The following PCSK5 variants were observed in gnomAD, a reference collection of about 807,000 sequenced individuals.
The protein encoded by PCSK5 is prohormone convertase 5.
In PCSK5, 129 loss-of-function variants were observed where a neutral mutation model predicts 233.2. The observed-to-expected ratio is 0.55, with a 90% CI of 0.48 to 0.64. The LOEUF is 0.64. PCSK5 is among the 30% of genes least tolerant of loss of function. The pLI, the probability that PCSK5 is intolerant of heterozygous loss-of-function variation, is 0.00. For synonymous variants in PCSK5, 825 were observed against 879.2 expected, an observed-to-expected ratio of 0.94 and a Z score of 1.09; for missense variants, 2,076 against 2,430.1, an observed-to-expected ratio of 0.85 and a Z score of 3.06.
chr9:76,232,708 C>G (rs543905322), intron 21 of PCSK5, among the ~76,000 whole-genome samples: 30 of 152,228 alleles, frequency 2.0e-4, no homozygotes, highest in Admixed American at 1.6e-3. Flanking sequence ...TTTGCTCTTA[C>G]GATTAGTTTG....
chr9:76,142,512 G>A (rs925921906), intron 10 of PCSK5, among the ~76,000 whole-genome samples: 9 of 151,950 alleles, frequency 5.9e-5, no homozygotes, highest in African/African-American at 1.9e-4. Flanking sequence ...GGGGTGGAGC[G>A]AGCAAAGAAA....
intron 29 of PCSK5, 102 bp from the exon 30 acceptor site, chr9:76,310,554 T>C: frequency 1.5e-6 from 1 of 662,306 alleles, no homozygotes; most frequent in Non-Finnish European, 2.4e-6. Context: ...CTGAAATAAG[T>C]GCCTGGATAC....
chr9:75,943,966 C>T (rs1414700055), intron 2 of PCSK5, among the ~76,000 whole-genome samples: 1 of 151,926 alleles, frequency 6.6e-6, no homozygotes, highest in Non-Finnish European at 1.5e-5. Context: ...AGTTCGAGAC[C>T]AGCCTAGGCA....
At chr9:76,043,018 T>C (rs1362914304) in intron 5 of PCSK5, among the ~76,000 whole-genome samples, 3 of 152,060 alleles carry the variant, frequency 2.0e-5, no homozygotes, top group East Asian at 1.9e-4. Context: ...TGCTAAAGGA[T>C]TGGCAGACTA....
intron 3 of PCSK5, among the ~76,000 whole-genome samples, chr9:76,015,715 C>T (rs1259788747): frequency 6.6e-6 from 1 of 152,186 alleles, no homozygotes; most frequent in East Asian, 1.9e-4. Flanking sequence ...CCTTTCTTCC[C>T]CAGTTATACA....
intron 5 of PCSK5, among the ~76,000 whole-genome samples, chr9:76,059,195 TA>T (rs1211280089): frequency 2.7e-4 from 41 of 152,302 alleles, no homozygotes; most frequent in African/African-American, 9.9e-4. Flanking sequence ...ATGTCTGATG[TA>T]TGCTTCATTA....
rs1829418400 is a variant in PCSK5 at position 76,328,051 on chromosome 9, G to A, written c.4382G>A (p.Cys1461Tyr). Residue 1461 changes from cysteine (C) to tyrosine (Y), a missense_variant, in exon 33 of 38, where the codon TGC becomes TAC. Cys to Tyr is a radical substitution (Grantham distance 194, BLOSUM62 -2). Around this residue, in one of 6 missense-constraint regions of PCSK5, gnomAD observed 1,510 missense variants for 1,538.1 expected, o/e 0.98. Transcript: ENST00000674117. ...TTGACCTGCTCATCATCTGGGACCT[G>A]CACCACCTGTCAGAAAGGCCTGATC... Reference protein sequence around the residue: ...SCLTCSSSGTCTTCQKGLIMN... With the variant: ...SCLTCSSSGTYTTCQKGLIMN... 2 of 1,612,790 alleles carry A rather than the reference G, an allele frequency of 1.2e-6. No individual in the cohort carries two copies. The highest frequency in any genetic ancestry group is 1.7e-6 in the Non-Finnish European group (2 of 1,179,790).
chr9:76,201,619 G>A (rs911465272), intron 20 of PCSK5, among the ~76,000 whole-genome samples: 3 of 152,176 alleles, frequency 2.0e-5, no homozygotes, highest in Non-Finnish European at 4.4e-5. Context: ...TGTTATTAAT[G>A]TCCACCCAGG....
chr9:75,891,101 G>T lies in PCSK5; in HGVS notation c.-81G>T. ...GGCCCGGGGCTGCTCGCCGGGCGGC[G>T]CAGGCCGGAGAAGTTAGTTGTGCGC... On this transcript the variant is annotated 5_prime_UTR_variant, in exon 1 of 38. Transcript: ENST00000674117. 5 of 1,128,620 alleles carry T rather than the reference G, an allele frequency of 4.4e-6. No homozygotes were observed. Among genetic ancestry groups the T allele is most frequent in the South Asian group, 4.2e-5 (2 of 47,580 alleles). 69.9% of individuals were successfully genotyped at this position (1,128,620 alleles called of 1,614,324 possible).
intron 7 of PCSK5, among the ~76,000 whole-genome samples, chr9:76,072,823 C>A (rs577050950): frequency 6.6e-6 from 1 of 152,256 alleles, no homozygotes; most frequent in South Asian, 2.1e-4. Flanking sequence ...CATCAAGCGC[C>A]AGCTAAAAAA....
intron 3 of PCSK5, among the ~76,000 whole-genome samples, chr9:75,994,400 CTTTTTTTTTTTTTTTTTTTTTTTTT>C (rs550518074): frequency 6.1e-5 from 5 of 82,040 alleles, no homozygotes; most frequent in Admixed American, 1.6e-4. Context: ...TTCTTTCTTT[CTTTTTTTTTTTTTTTTTTTTTTTTT>C]TTTTTTTTTT....
chr9:75,945,390 T>G (rs184022981), intron 2 of PCSK5, among the ~76,000 whole-genome samples: 2 of 152,144 alleles, frequency 1.3e-5, no homozygotes, highest in African/African-American at 4.8e-5. Context: ...TCAAGAGATA[T>G]TGTTGGCCCC....
chr9:76,259,028 T>G (rs1049527549), intron 24 of PCSK5, among the ~76,000 whole-genome samples: 3 of 152,170 alleles, frequency 2.0e-5, no homozygotes, highest in Non-Finnish European at 4.4e-5. Flanking sequence ...CTATGCCCAA[T>G]TAACAAACAC....
intron 12 of PCSK5, among the ~76,000 whole-genome samples, chr9:76,169,323 C>G (rs1046759999): frequency 1.3e-5 from 2 of 152,060 alleles, no homozygotes; most frequent in Non-Finnish European, 2.9e-5. Flanking sequence ...TAGGAACTGT[C>G]AAACTGTTTT....
At chr9:75,949,135 C>T (rs957402670) in intron 2 of PCSK5, among the ~76,000 whole-genome samples, 3 of 150,390 alleles carry the variant, frequency 2.0e-5, no homozygotes, top group African/African-American at 7.4e-5. Flanking sequence ...GAGTATGTCT[C>T]AGATATGTCA....
In PCSK5 at chr9:76,026,964, G is replaced by A. The variant is rs1171506583; in HGVS notation, c.559G>A (p.Ala187Thr). Residue 187 changes from alanine (A) to threonine (T), a missense_variant, in exon 5 of 38, where the codon GCT becomes ACT. Ala to Thr is a moderately conservative substitution (Grantham distance 58). This residue lies in a region of PCSK5 where 178 missense variants were observed against 393.6 expected (regional missense o/e 0.45). Coordinates refer to ENST00000674117, the MANE Select transcript of PCSK5 (RefSeq NM_001372043.1). ...THPDLMQNYD[A>T]LASCDVNGND... ...GCTCTCTCCTCTGTGGCCATAGGAT[G>A]CTCTGGCAAGTTGCGACGTGAATGG... The A allele has an allele frequency of 2.9e-5, 47 of 1,605,922 alleles. No homozygotes were observed. Among genetic ancestry groups the A allele is most frequent in the Non-Finnish European group, 4.0e-5 (47 of 1,174,726 alleles).
At chr9:75,916,860 G>C (rs567824116) in intron 1 of PCSK5, among the ~76,000 whole-genome samples, 1 of 152,232 alleles carries the variant, frequency 6.6e-6, no homozygotes, top group Non-Finnish European at 1.5e-5. Context: ...ACAAAGTAAG[G>C]GAAAGCTCTT....
intron 3 of PCSK5, among the ~76,000 whole-genome samples, chr9:76,003,885 T>C (rs1227765218): frequency 1.3e-5 from 2 of 152,202 alleles, no homozygotes; most frequent in Non-Finnish European, 2.9e-5. Context: ...CACGGCTCAC[T>C]GCAGCAAAAA....
intron 2 of PCSK5, among the ~76,000 whole-genome samples, chr9:75,976,249 C>A (rs1221136272): frequency 6.6e-6 from 1 of 150,608 alleles, no homozygotes; most frequent in African/African-American, 2.4e-5. Flanking sequence ...CCCCCTACTT[C>A]ATGTTGGGTG....
Sources: allele counts gnomAD v4.1 joint callset (sites outside exome capture counted in the v4.1 genomes callset), GRCh38; gene constraint gnomAD v4.1.1; regional missense constraint gnomAD v4.1.1; transcripts MANE v1.5; gene names NCBI Gene and HGNC (gene_info 2026-07-23, HGNC 2026-07-21).